Variants in TMEM181 observed in about 807,000 individuals in gnomAD.
The protein encoded by TMEM181 is transmembrane protein 181, also known as G protein-coupled receptor 178.
A neutral mutation model predicts 71.9 loss-of-function variants in TMEM181; 39 were observed. The ratio of observed to expected loss-of-function variants is 0.54; its 90% CI spans 0.42 to 0.71. TMEM181 has a LOEUF of 0.71. TMEM181 is among the 30% of genes least tolerant of loss of function. The pLI, the probability that TMEM181 is intolerant of heterozygous loss-of-function variation, is 0.00. For missense variants in TMEM181, 595 were observed against 583.0 expected (o/e 1.02, Z -0.21); for synonymous variants, 245 against 228.8 (o/e 1.07, Z -0.64).
intron 10 of TMEM181, among the ~76,000 whole-genome samples, chr6:158,616,860 T>C (rs1399182501): frequency 6.6e-6 from 1 of 152,194 alleles, no homozygotes; most frequent in African/African-American, 2.4e-5. Flanking sequence ...GGATAAGCTT[T>C]TTGATGTGCT....
At chr6:158,538,293 G>A (rs553001261) in intron 1 of TMEM181, among the ~76,000 whole-genome samples, 21 of 151,844 alleles carry the variant, frequency 1.4e-4, no homozygotes, top group African/African-American at 4.1e-4. Flanking sequence ...TGAGTAGCTG[G>A]GACCACAGGC....
upstream of TMEM181, among the ~76,000 whole-genome samples, chr6:158,558,662 G>A (rs565464951): frequency 2.0e-5 from 3 of 152,254 alleles, no homozygotes; most frequent in South Asian, 4.1e-4. Flanking sequence ...CCTCAATTAG[G>A]GTGTCTTCTC....
chr6:158,599,652 C>T (rs1247237814), intron 6 of TMEM181, among the ~76,000 whole-genome samples: 1 of 152,236 alleles, frequency 6.6e-6, no homozygotes, highest in African/African-American at 2.4e-5. Context: ...GACGGAACGA[C>T]CTCTACTTGT....
intron 6 of TMEM181, among the ~76,000 whole-genome samples, chr6:158,598,187 C>T (rs1253899000): frequency 3.3e-5 from 5 of 152,236 alleles, no homozygotes; most frequent in African/African-American, 1.2e-4. Flanking sequence ...CTTTCCTGTT[C>T]TTTTCTCCTG....
At chr6:158,567,102 C>T (rs1222411949) in intron 1 of TMEM181, among the ~76,000 whole-genome samples, 1 of 152,162 alleles carries the variant, frequency 6.6e-6, no homozygotes, top group Non-Finnish European at 1.5e-5. Context: ...AAGGGCCCCG[C>T]GGCTCTAGGC....
chr6:158,612,920 AG>A (rs1198370499), intron 10 of TMEM181, among the ~76,000 whole-genome samples: 1 of 152,254 alleles, frequency 6.6e-6, no homozygotes, highest in African/African-American at 2.4e-5. Flanking sequence ...TCCATAAAAA[AG>A]CTTTAATATT....
intron 6 of TMEM181, among the ~76,000 whole-genome samples, chr6:158,602,790 C>T (rs1784739614): frequency 6.6e-6 from 1 of 151,916 alleles, no homozygotes; most frequent in South Asian, 2.1e-4. Context: ...CTCTGTTGAC[C>T]AGGCTCACCT....
chr6:158,634,692 T>G lies in TMEM181; in HGVS notation c.*2804T>G, dbSNP rs1046462108. 3 of 152,218 alleles carry G rather than the reference T, an allele frequency of 2.0e-5. No individual in the cohort carries two copies. The highest frequency in any genetic ancestry group is 4.4e-5 in the Non-Finnish European group (3 of 68,042). 9.4% of individuals were successfully genotyped at this position (152,218 alleles called of 1,614,324 possible). A position where few individuals can be genotyped will look rare whatever the true frequency, so the allele number is the denominator to read the frequency against. On this transcript the variant is annotated 3_prime_UTR_variant, in exon 17 of 17. Transcript: ENST00000684151. ...GGGATATATATACTATGTTCAAGGTTTGTAAGGTTGTTAATGTACATAATT... is the reference window on the plus strand; with the variant it reads ...GGGATATATATACTATGTTCAAGGTGTGTAAGGTTGTTAATGTACATAATT...
intron 7 of TMEM181, 84 bp from the exon 8 acceptor site, chr6:158,607,160 C>A (rs1784999400): frequency 2.7e-6 from 3 of 1,111,636 alleles, no homozygotes; most frequent in African/African-American, 3.1e-5. Context: ...GAGAAGACAA[C>A]CTGGTATGCC....
chr6:158,611,724 T>G, intron 10 of TMEM181: 1 of 236,340 alleles, frequency 4.2e-6, no homozygotes, highest in Non-Finnish European at 8.4e-6. Context: ...AATGTAAGAG[T>G]TAAAGAAAGG....
At chr6:158,539,803 G>A (rs78509804) in intron 1 of TMEM181, among the ~76,000 whole-genome samples, 1 of 152,304 alleles carries the variant, frequency 6.6e-6, no homozygotes, top group South Asian at 2.1e-4. Flanking sequence ...TGAAATCCTG[G>A]TTCTAGCCCC....
At position 158,580,925 on chromosome 6, in the gene TMEM181, T is replaced by A; in HGVS notation, c.113-15T>A. On this transcript the variant is annotated splice_polypyrimidine_tract_variant and intron_variant, in intron 2 of 16. Transcript: ENST00000684151. The stretch of plus-strand genomic sequence containing the variant: ...TTGCTATAATCTGCTTTTGTCCTTT[T>A]CTGTTACACTTTAGGACCTAAAGTG... 6.3e-7 allele frequency: 1 copy of A among 1,585,776 alleles called. No individual in the cohort carries two copies. The highest frequency in any genetic ancestry group is 1.7e-5 in the Admixed American group (1 of 59,032).
intron 11 of TMEM181, 27 bp from the exon 12 acceptor site, chr6:158,625,077 C>T: frequency 6.3e-7 from 1 of 1,585,756 alleles, no homozygotes; most frequent in Non-Finnish European, 8.7e-7. Context: ...CCTGTTCCGA[C>T]TCAAGTGCTG....
chr6:158,607,543 G>A (rs1785022186), intron 8 of TMEM181, among the ~76,000 whole-genome samples, 200 bp downstream of exon 8: 1 of 152,144 alleles, frequency 6.6e-6, no homozygotes, highest in Admixed American at 6.5e-5. Flanking sequence ...GGTGGTGCGT[G>A]CCTGTGGTCC....
At chr6:158,609,616 C>G (rs1373320609) in intron 10 of TMEM181, 2 of 171,588 alleles carry the variant, frequency 1.2e-5, no homozygotes, top group East Asian at 1.7e-4. Flanking sequence ...ACATCCTCCC[C>G]CTGGGACACA....
At position 158,589,657 on chromosome 6, in the gene TMEM181, T is replaced by C. The variant is rs1313844322; in HGVS notation, c.382-15T>C. ...CTCGCTTTCTTTAAAGGCAAATCTT[T>C]CTGTGTATTTGCAGAAATGTGCGGA... On this transcript the variant is annotated splice_polypyrimidine_tract_variant and intron_variant, in intron 5 of 16. Coordinates refer to ENST00000684151, the MANE Select transcript of TMEM181 (RefSeq NM_001376852.1). 2 of 1,601,154 alleles carry C rather than the reference T, an allele frequency of 1.2e-6. No individual in the cohort carries two copies. The highest frequency in any genetic ancestry group is 1.1e-5 in the South Asian group (1 of 90,788).
chr6:158,548,575 G>A (rs1022128033), intron 1 of TMEM181, among the ~76,000 whole-genome samples: 1 of 152,182 alleles, frequency 6.6e-6, no homozygotes, highest in African/African-American at 2.4e-5. Context: ...GCCACCTCCA[G>A]TCCTGCGCTC....
rs1487213001 is a variant in TMEM181, at chr6:158,633,779, A to C, written c.*1891A>C. The C allele has an allele frequency of 6.6e-6, 1 of 152,250 alleles. No individual in the cohort carries two copies. The highest frequency in any genetic ancestry group is 1.5e-5 in the Non-Finnish European group (1 of 68,050). The allele number at this position is 152,250 out of a possible 1,614,324, so 9.4% of individuals were successfully genotyped here. ...TACTGCAAGGGTAATTCAAGTTTACATGATTTTTAAATTTGCAATGATGTT... is the reference window on the plus strand; with the variant it reads ...TACTGCAAGGGTAATTCAAGTTTACCTGATTTTTAAATTTGCAATGATGTT... On this transcript the variant is annotated 3_prime_UTR_variant, in exon 17 of 17. Coordinates refer to ENST00000684151, the MANE Select transcript of TMEM181 (RefSeq NM_001376852.1).
chr6:158,546,800 A>C (rs1424120260), intron 1 of TMEM181, among the ~76,000 whole-genome samples: 1 of 151,800 alleles, frequency 6.6e-6, no homozygotes, highest in African/African-American at 2.4e-5. Context: ...TCTCTACTAA[A>C]AATACAAAAA....
Sources: gnomAD v4.1 joint callset for allele counts (sites outside exome capture counted in the v4.1 genomes callset) on GRCh38, gnomAD v4.1.1 for gene constraint, MANE v1.5 for transcripts, NCBI Gene and HGNC (gene_info 2026-07-23, HGNC 2026-07-21) for gene names.